THRB: variants seen among roughly 807,000 people sequenced by gnomAD.
THRB encodes the protein thyroid hormone receptor beta.
Under a neutral mutation model 47.8 loss-of-function variants are expected in THRB, and 12 were observed. That is an observed-to-expected ratio of 0.25 (90% CI 0.16 to 0.41). The LOEUF is 0.41. Among genes scored for constraint, THRB ranks in the 10% least tolerant of loss-of-function variants. The pLI, the probability that THRB is intolerant of heterozygous loss-of-function variation, is 1.00. For synonymous variants in THRB, 218 were observed against 212.2 expected, an observed-to-expected ratio of 1.03 and a Z score of -0.24; for missense variants, 348 against 589.2, an observed-to-expected ratio of 0.59 and a Z score of 4.24.
intron 1 of THRB, among the ~76,000 whole-genome samples, chr3:24,355,542 C>T (rs1051010628): frequency 6.6e-6 from 1 of 152,128 alleles, no homozygotes; most frequent in Non-Finnish European, 1.5e-5. Flanking sequence ...ATGTAAGAGG[C>T]TGTGCTTGTT....
At chr3:24,348,139 C>T (rs902201030) in intron 1 of THRB, among the ~76,000 whole-genome samples, 1 of 152,092 alleles carries the variant, frequency 6.6e-6, no homozygotes, top group Non-Finnish European at 1.5e-5. Context: ...AACACGTTAA[C>T]GCAAGAGGGT....
intron 4 of THRB, among the ~76,000 whole-genome samples, chr3:24,227,892 T>C (rs752823733): frequency 2.0e-5 from 3 of 152,204 alleles, no homozygotes; most frequent in Non-Finnish European, 2.9e-5. Context: ...GGAAGGTATA[T>C]AGCTGAGGTC....
chr3:24,420,675 G>A (rs984303032), intron 1 of THRB, among the ~76,000 whole-genome samples: 1 of 151,856 alleles, frequency 6.6e-6, no homozygotes, highest in Non-Finnish European at 1.5e-5. Flanking sequence ...TGTCAGAATG[G>A]CTATTATTAA....
At chr3:24,183,638 G>T (rs1272491392) in intron 5 of THRB, among the ~76,000 whole-genome samples, 1 of 148,598 alleles carries the variant, frequency 6.7e-6, no homozygotes, top group African/African-American at 2.5e-5. Context: ...CTCCCAAAGT[G>T]TTGGGATTAC....
intron 2 of THRB, among the ~76,000 whole-genome samples, chr3:24,314,687 A>G (rs1336734199): frequency 6.6e-6 from 1 of 152,130 alleles, no homozygotes; most frequent in Non-Finnish European, 1.5e-5. Flanking sequence ...TCTTCTCCAG[A>G]TCGCACATTC....
intron 1 of THRB, among the ~76,000 whole-genome samples, chr3:24,417,095 AACACACACACACACACACACAC>A (rs67541584): frequency 7.4e-6 from 1 of 135,576 alleles, no homozygotes; most frequent in Non-Finnish European, 1.6e-5. Context: ...ATTTTAAACC[AACACACACACACACACACACAC>A]ACACACACAC....
intron 3 of THRB, among the ~76,000 whole-genome samples, chr3:24,257,058 C>T (rs939432470): frequency 1.3e-5 from 2 of 152,040 alleles, no homozygotes; most frequent in Non-Finnish European, 2.9e-5. Context: ...GTCATGTGAC[C>T]TTAAGCACAT....
At chr3:24,141,724 G>C (rs537737363) in intron 8 of THRB, among the ~76,000 whole-genome samples, 6 of 152,190 alleles carry the variant, frequency 3.9e-5, no homozygotes, top group Non-Finnish European at 7.3e-5. Context: ...GACAATAAAA[G>C]TATAAAATTC....
intron 3 of THRB, among the ~76,000 whole-genome samples, chr3:24,261,230 C>T (rs1202622926): frequency 1.7e-5 from 2 of 118,014 alleles, no homozygotes; most frequent in East Asian, 5.1e-4. Flanking sequence ...CGGCCAGGCG[C>T]AGTGGCTCAC....
chr3:24,335,917 G>C (rs2062219465), intron 2 of THRB, among the ~76,000 whole-genome samples: 1 of 152,202 alleles, frequency 6.6e-6, no homozygotes, highest in East Asian at 1.9e-4. Flanking sequence ...AGGTCACCTT[G>C]ATTGAGGTGG....
At chr3:24,182,729 TCAAA>T (rs1195193688) in intron 5 of THRB, among the ~76,000 whole-genome samples, 27 of 152,270 alleles carry the variant, frequency 1.8e-4, no homozygotes, top group Non-Finnish European at 3.5e-4. Context: ...AAACTGAGGC[TCAAA>T]CAAAGTGACT....
At chr3:24,337,709 T>C (rs1227969855) in intron 1 of THRB, among the ~76,000 whole-genome samples, 1 of 152,168 alleles carries the variant, frequency 6.6e-6, no homozygotes, top group Non-Finnish European at 1.5e-5. Flanking sequence ...AAGGCAAATG[T>C]GAACCTCAAA....
chr3:24,242,104 T>G (rs2049584052), intron 3 of THRB, among the ~76,000 whole-genome samples: 1 of 152,146 alleles, frequency 6.6e-6, no homozygotes, highest in Admixed American at 6.5e-5. Flanking sequence ...CTCTGAGAGG[T>G]TGCCAACACT....
chr3:24,374,469 T>C (rs923946509), intron 1 of THRB, among the ~76,000 whole-genome samples: 16 of 152,162 alleles, frequency 1.1e-4, no homozygotes, highest in Non-Finnish European at 2.2e-4. Flanking sequence ...TGTACGTGTA[T>C]TTACAATGTT....
At chr3:24,486,075 C>A (rs1697244097) in intron 1 of THRB, among the ~76,000 whole-genome samples, 1 of 152,084 alleles carries the variant, frequency 6.6e-6, no homozygotes, top group Non-Finnish European at 1.5e-5. Flanking sequence ...GTTTTGCCTC[C>A]CAGTAGACAC....
intron 2 of THRB, among the ~76,000 whole-genome samples, chr3:24,304,790 A>G (rs2057223398): frequency 6.6e-6 from 1 of 152,162 alleles, no homozygotes; most frequent in Non-Finnish European, 1.5e-5. Flanking sequence ...AAGGAAGAAG[A>G]GGGGGAAATA....
intron 3 of THRB, among the ~76,000 whole-genome samples, chr3:24,290,916 A>G (rs1416392363): frequency 6.6e-6 from 1 of 152,212 alleles, no homozygotes; most frequent in Non-Finnish European, 1.5e-5. Flanking sequence ...CTGTTACTCA[A>G]GTAAGATGTC....
At chr3:24,321,617 T>C (rs569873809) in intron 2 of THRB, among the ~76,000 whole-genome samples, 1 of 151,932 alleles carries the variant, frequency 6.6e-6, no homozygotes, top group Non-Finnish European at 1.5e-5. Flanking sequence ...TTATGGGGGA[T>C]TGTATGCTAA....
chr3:24,352,238 T>C (rs1429697899), intron 1 of THRB, among the ~76,000 whole-genome samples: 1 of 152,182 alleles, frequency 6.6e-6, no homozygotes, highest in Non-Finnish European at 1.5e-5. Context: ...TTAAAAACAT[T>C]CCTGTTAGTA....
Sources: gnomAD v4.1 joint callset for allele counts (sites outside exome capture counted in the v4.1 genomes callset) on GRCh38, gnomAD v4.1.1 for gene constraint, MANE v1.5 for transcripts, NCBI Gene and HGNC (gene_info 2026-07-23, HGNC 2026-07-21) for gene names.